The following EPN2 variants were observed in gnomAD, a reference collection of about 807,000 sequenced individuals.
EPN2 encodes epsin-2.
In EPN2, 34 loss-of-function variants were observed where a neutral mutation model predicts 61.7. That is an observed-to-expected ratio of 0.55 (90% CI 0.42 to 0.73). EPN2 has a LOEUF of 0.73. EPN2 is among the 30% of genes least tolerant of loss of function. The pLI, the probability that EPN2 is intolerant of heterozygous loss-of-function variation, is 0.00. For missense variants in EPN2, 714 were observed against 839.2 expected (o/e 0.85, Z 1.84); for synonymous variants, 349 against 353.6 (o/e 0.99, Z 0.15).
intron 1 of EPN2, among the ~76,000 whole-genome samples, chr17:19,255,874 C>T (rs1057282345): frequency 6.0e-5 from 9 of 151,012 alleles, no homozygotes; most frequent in South Asian, 2.2e-4. Flanking sequence ...CCTTCTGTCT[C>T]GGCCCCCCAA....
At chr17:19,319,122 C>T (rs544409982) in intron 7 of EPN2, among the ~76,000 whole-genome samples, 12 of 151,530 alleles carry the variant, frequency 7.9e-5, no homozygotes, top group South Asian at 2.1e-4. Context: ...CGCTTGAACC[C>T]GGGAGGCAGA....
chr17:19,301,595 G>A (rs1375171425), intron 4 of EPN2, among the ~76,000 whole-genome samples: 2 of 152,184 alleles, frequency 1.3e-5, no homozygotes, highest in African/African-American at 2.4e-5. Flanking sequence ...ACTCTCCAAA[G>A]CACCTCTGAC....
At chr17:19,248,116 A>G (rs2044972851) in intron 1 of EPN2, among the ~76,000 whole-genome samples, 1 of 152,148 alleles carries the variant, frequency 6.6e-6, no homozygotes, top group Non-Finnish European at 1.5e-5. Context: ...GGGAAAATTG[A>G]AGCCAGAAGA....
At chr17:19,266,426 G>A (rs1189356318) in intron 1 of EPN2, among the ~76,000 whole-genome samples, 2 of 148,706 alleles carry the variant, frequency 1.3e-5, no homozygotes, top group Admixed American at 1.3e-4. Context: ...TTTTTGAGAC[G>A]GAGTCTCGCT....
intron 7 of EPN2, among the ~76,000 whole-genome samples, chr17:19,327,707 CATACAT>C (rs940451429): frequency 2.0e-5 from 3 of 152,134 alleles, no homozygotes; most frequent in African/African-American, 7.2e-5. Context: ...TTTAGACACA[CATACAT>C]ATACATAATA....
At position 19,301,232 on chromosome 17, in the gene EPN2, A is replaced by G. The variant is rs559527904; in HGVS notation, c.767-8653A>G. 4.2e-4 allele frequency among the ~76,000 whole-genome samples: 64 copies of G among 152,192 alleles called. No individual in the cohort carries two copies. In the South Asian group the frequency reaches 0.013, roughly 30 times the overall value. ...CTGTGTTTCTATCTCTTCTAAGGAC[A>G]CTAGTTCTATTGACTCTAGGGCCCA... On this transcript the variant is annotated intron_variant, in intron 4 of 10. Transcript: ENST00000314728.
intron 1 of EPN2, among the ~76,000 whole-genome samples, chr17:19,269,496 T>C (rs1008210356): frequency 4.6e-5 from 7 of 152,228 alleles, no homozygotes; most frequent in African/African-American, 1.7e-4. Context: ...CAAAGAGGCA[T>C]CATTTCTTGA....
At chr17:19,308,552 A>G in intron 4 of EPN2, 3 of 985,392 alleles carry the variant, frequency 3.0e-6, no homozygotes, top group Non-Finnish European at 3.6e-6. Context: ...CTGACACAGC[A>G]TCAGGATGGA....
intron 1 of EPN2, among the ~76,000 whole-genome samples, chr17:19,276,773 G>GTTTTTCTTTTTTTTTTTTTTTTTTTT (rs370693392): frequency 8.4e-6 from 1 of 119,328 alleles, no homozygotes; most frequent in African/African-American, 4.2e-5. Context: ...ATGAGAATAA[G>GTTTTTCTTTTTTTTTTTTTTTTTTTT]TTTTTTTTTT....
At chr17:19,316,531 A>G (rs946761614) in intron 7 of EPN2, among the ~76,000 whole-genome samples, 3 of 152,242 alleles carry the variant, frequency 2.0e-5, no homozygotes, top group Non-Finnish European at 2.9e-5. Context: ...TGGCCCTGGC[A>G]TGTCCTGGAA....
intron 10 of EPN2, among the ~76,000 whole-genome samples, chr17:19,332,564 G>C (rs1454658307): frequency 6.6e-6 from 1 of 152,178 alleles, no homozygotes; most frequent in Non-Finnish European, 1.5e-5. Context: ...CAAGCCCCCA[G>C]CTGTTCAATT....
At position 19,316,873 on chromosome 17, in the gene EPN2, CAGT is replaced by C. The variant is rs201801685; in HGVS notation, c.1147+3595_1147+3597del. Among the ~76,000 whole-genome samples the C allele has an allele frequency of 7.1e-4, 108 of 152,310 alleles. No individual in the cohort carries two copies. In the East Asian group the frequency reaches 0.016, roughly 23 times the overall value. Reference sequence around the variant, plus strand: ...TCTTTTAATTCTGAGATTCTTTTCTCAGTGGTGGTGTTGACCAGCTCTGCAGGA... The same window carrying C: ...TCTTTTAATTCTGAGATTCTTTTCTCGGTGGTGTTGACCAGCTCTGCAGGA... On this transcript the variant is annotated intron_variant, in intron 7 of 10. Coordinates refer to ENST00000314728, the MANE Select transcript of EPN2 (RefSeq NM_014964.5).
chr17:19,252,542 T>A (rs2045026257), intron 1 of EPN2, among the ~76,000 whole-genome samples: 1 of 152,220 alleles, frequency 6.6e-6, no homozygotes, highest in Non-Finnish European at 1.5e-5. Context: ...TGGAAAATGC[T>A]TCAATACATA....
At chr17:19,287,167 T>G (rs1315499875) in intron 4 of EPN2, among the ~76,000 whole-genome samples, 1 of 152,054 alleles carries the variant, frequency 6.6e-6, no homozygotes, top group African/African-American at 2.4e-5. Context: ...CCACTGCGGC[T>G]GTCTTTGGCC....
intron 4 of EPN2, among the ~76,000 whole-genome samples, chr17:19,289,587 G>A (rs1019825947): frequency 2.0e-5 from 3 of 152,038 alleles, no homozygotes; most frequent in South Asian, 4.2e-4. Context: ...TCCTAGACAC[G>A]CAAGTGGAGG....
chr17:19,331,877 C>T lies in EPN2; in HGVS notation c.1436C>T (p.Ser479Phe). 6.2e-7 allele frequency: 1 copy of T among 1,614,174 alleles called. No individual in the cohort carries two copies. Among genetic ancestry groups the T allele is most frequent in the Non-Finnish European group, 8.5e-7 (1 of 1,180,012 alleles). The change falls in exon 10 of 11, where the codon TCC becomes TTC. Residue 479 changes from serine to phenylalanine, a missense_variant. Around this residue, in one of 2 missense-constraint regions of EPN2, gnomAD observed 410 missense variants for 421.8 expected, o/e 0.97. Transcript: ENST00000314728. The part of the protein sequence containing the change: ...KTAESVTSLP[S>F]QNNGTTSPDP... ...GCCGAATCTGTGACCTCTCTGCCAT[C>T]CCAAAACAATGGAACTACCAGCCCT...
At chr17:19,300,427 C>T (rs865941869) in intron 4 of EPN2, among the ~76,000 whole-genome samples, 27 of 108,918 alleles carry the variant, frequency 2.5e-4, no homozygotes, top group South Asian at 6.8e-4. Flanking sequence ...AACTGTAAAT[C>T]TTTTTTTTTT....
At chr17:19,276,854 C>T (rs1438562495) in intron 1 of EPN2, among the ~76,000 whole-genome samples, 1 of 141,734 alleles carries the variant, frequency 7.1e-6, no homozygotes, top group African/African-American at 3.0e-5. Flanking sequence ...TGACAACCCT[C>T]CCACCTCCAC....
intron 1 of EPN2, among the ~76,000 whole-genome samples, chr17:19,255,250 A>G (rs987347049): frequency 6.6e-6 from 1 of 152,028 alleles, no homozygotes; most frequent in African/African-American, 2.4e-5. Flanking sequence ...GACAAGGAGA[A>G]TCTTCTGTAG....
Sources: allele counts gnomAD v4.1 joint callset (sites outside exome capture counted in the v4.1 genomes callset), GRCh38; gene constraint gnomAD v4.1.1; regional missense constraint gnomAD v4.1.1; transcripts MANE v1.5; gene names NCBI Gene and HGNC (gene_info 2026-07-23, HGNC 2026-07-21).